TSPAN31: variants seen among roughly 807,000 people sequenced by gnomAD.
The protein encoded by TSPAN31 is tetraspanin 31, also known as tetraspanin-31.
Under a neutral mutation model 24.8 loss-of-function variants are expected in TSPAN31, and 16 were observed. That is an observed-to-expected ratio of 0.64 (90% CI 0.44 to 0.98). The LOEUF is 0.98. Ranked by LOEUF, TSPAN31 falls within the 50% of genes least tolerant of loss-of-function variation. The pLI is 0.00. For missense variants in TSPAN31, 209 were observed against 251.6 expected (o/e 0.83, Z 1.15); for synonymous variants, 87 against 91.4 (o/e 0.95, Z 0.27).
At chr12:57,745,985 G>GT (rs1955144046) in intron 2 of TSPAN31, 73 bp downstream of exon 2, 1 of 1,536,466 alleles carries the variant, frequency 6.5e-7, no homozygotes, top group African/African-American at 1.4e-5. Context: ...TGTTAGAAGG[G>GT]TAGGGGACCT....
chr12:57,746,857 G>C (rs1955160930), intron 4 of TSPAN31, 137 bp downstream of exon 4: 1 of 1,407,522 alleles, frequency 7.1e-7, no homozygotes, highest in African/African-American at 1.4e-5. Context: ...TGTGTTGGTG[G>C]GAGGTGGGGG....
At position 57,748,916 on chromosome 12, in the gene TSPAN31, G is replaced by A. The variant is rs1263865637; in HGVS notation, c.*1626G>A. On this transcript the variant is annotated 3_prime_UTR_variant, in exon 6 of 6. Transcript: ENST00000257910. ...AGACGAGGTTTCACCATGTTGGCCA[G>A]GCTGGTCTCGAACTCCTGACCTCAG... 1 of 558,484 alleles carries A rather than the reference G, an allele frequency of 1.8e-6. No individual in the cohort carries two copies. Among genetic ancestry groups the A allele is most frequent in the Non-Finnish European group, 3.2e-6 (1 of 312,886 alleles). The allele number at this position is 558,484 out of a possible 1,614,324, so 34.6% of individuals were successfully genotyped here.
chr12:57,749,109 G>C lies in TSPAN31; in HGVS notation c.*1819G>C, dbSNP rs960503482. The C allele has an allele frequency of 2.5e-6, 4 of 1,581,138 alleles. No individual in the cohort carries two copies. The Admixed American group carries it at 6.7e-5, about 26-fold the overall frequency. ...CAAGTTTCATTAACCACAGTGGCCA[G>C]GGCCCTGCATACTGCTCTATTTCTT... On this transcript the variant is annotated 3_prime_UTR_variant, in exon 6 of 6. Transcript: ENST00000257910.
chr12:57,749,053 C>T lies in TSPAN31; in HGVS notation c.*1763C>T. On this transcript the variant is annotated 3_prime_UTR_variant, in exon 6 of 6. Coordinates refer to ENST00000257910, the MANE Select transcript of TSPAN31 (RefSeq NM_005981.5). Reference sequence around the variant, plus strand: ...CTTCTCTGTGGGTGGCTATTTGCAGCTGTAATAAAAACTACAGCCCATCTA... The same window carrying T: ...CTTCTCTGTGGGTGGCTATTTGCAGTTGTAATAAAAACTACAGCCCATCTA... The T allele has an allele frequency of 8.4e-7, 1 of 1,192,454 alleles. No individual in the cohort carries two copies. Among genetic ancestry groups the T allele is most frequent in the Non-Finnish European group, 1.3e-6 (1 of 799,540 alleles). The allele number at this position is 1,192,454 out of a possible 1,614,324, so 73.9% of individuals were successfully genotyped here.
rs1193246679 is a variant in TSPAN31 at position 57,749,456 on chromosome 12, A to G, written c.*2166A>G. On this transcript the variant is annotated 3_prime_UTR_variant, in exon 6 of 6. Transcript: ENST00000257910. The stretch of plus-strand genomic sequence containing the variant: ...TTTCTCCCATGTTGGTCACTTACTC[A>G]AAGATTTTGCCCAACTGGTCGGCTT... 5.6e-6 allele frequency: 9 copies of G among 1,614,226 alleles called. No homozygotes were observed. The highest frequency in any genetic ancestry group is 7.6e-6 in the Non-Finnish European group (9 of 1,180,020).
In TSPAN31 at chr12:57,747,445, T is replaced by C; in HGVS notation, c.*155T>C. 1 of 641,240 alleles carries C rather than the reference T, an allele frequency of 1.6e-6. No homozygotes were observed. Among genetic ancestry groups the C allele is most frequent in the Non-Finnish European group, 2.7e-6 (1 of 375,986 alleles). The allele number at this position is 641,240 out of a possible 1,614,324, so 39.7% of individuals were successfully genotyped here. On this transcript the variant is annotated 3_prime_UTR_variant, in exon 6 of 6. Transcript: ENST00000257910. Reference sequence around the variant, plus strand: ...TGATGGAATAGCAAGACTTTATGCCTTGACATATTTTAGTGGGAGCCAGAC... The same window carrying C: ...TGATGGAATAGCAAGACTTTATGCCCTGACATATTTTAGTGGGAGCCAGAC...
intron 2 of TSPAN31, 22 bp downstream of exon 2, chr12:57,745,934 G>A (rs1395929525): frequency 6.4e-7 from 1 of 1,571,234 alleles, no homozygotes; most frequent in African/African-American, 1.4e-5. Context: ...TGAAGTGATG[G>A]GGGCAACCGG....
chr12:57,745,610 A>G, intron 1 of TSPAN31, 135 bp from the exon 2 acceptor site: 1 of 1,114,122 alleles, frequency 9.0e-7, no homozygotes, highest in Non-Finnish European at 1.3e-6. Context: ...CGGTGCGGAT[A>G]GCACCATCCC....
At position 57,749,253 on chromosome 12, in the gene TSPAN31, G is replaced by A; in HGVS notation, c.*1963G>A. The A allele has an allele frequency of 6.2e-7, 1 of 1,614,112 alleles. No homozygotes were observed. Among genetic ancestry groups the A allele is most frequent in the African/African-American group, 1.3e-5 (1 of 75,054 alleles). On this transcript the variant is annotated 3_prime_UTR_variant, in exon 6 of 6. Transcript: ENST00000257910. ...TGCACTGGGCGGGGCCCTCTGGGGGGAAAGGCTCCACGGGGCAGGGATACA... is the reference window on the plus strand; with the variant it reads ...TGCACTGGGCGGGGCCCTCTGGGGGAAAAGGCTCCACGGGGCAGGGATACA...
chr12:57,746,724 AGT>A lies in TSPAN31; in HGVS notation c.444+9_444+10del, dbSNP rs771743279. 1.2e-6 allele frequency: 2 copies of A among 1,614,002 alleles called. No individual in the cohort carries two copies. The highest frequency in any genetic ancestry group is 1.7e-6 in the Non-Finnish European group (2 of 1,179,998). Reference sequence around the variant, plus strand: ...AGATTATGATTTCTGCACTGCAGTGAGTGTGTTGGGGGTGGTGCAGCAGCCAG... The same window carrying A: ...AGATTATGATTTCTGCACTGCAGTGAGTGTTGGGGGTGGTGCAGCAGCCAG... On this transcript the variant is annotated splice_donor_5th_base_variant and intron_variant, in intron 4 of 5. Transcript: ENST00000257910.
rs562474733 is a variant in TSPAN31 at position 57,747,026 on chromosome 12, G to A, written c.453G>A (p.Lys151=). 3 of 1,613,994 alleles carry A rather than the reference G, an allele frequency of 1.9e-6. No individual in the cohort carries two copies. The highest frequency in any genetic ancestry group is 1.3e-5 in the African/African-American group (1 of 75,050). Residue 151 remains lysine, a synonymous_variant, in exon 5 of 6, where the codon AAG becomes AAA. Transcript: ENST00000257910. ...TCACGTTTTATCCTCAGATCTGCAA[G>A]AGCCAGAGCCCCACATGCCAGATGT... ...QDYDFCTAIC[K]SQSPTCQMCG...
rs568048822 is a variant in TSPAN31 at position 57,745,803 on chromosome 12, C to T, written c.122C>T (p.Ser41Phe). The change falls in exon 2 of 6, where the codon TCC becomes TTC. Residue 41 changes from serine to phenylalanine, a missense_variant. Physicochemically the swap from Ser to Phe is radical, Grantham distance 155 (BLOSUM62 -2). Transcript: ENST00000257910. Reference protein sequence around the residue: ...AAWGKGLGLVSSIHIIGGVIA... With the variant: ...AAWGKGLGLVFSIHIIGGVIA... ...TGGGGCAAGGGCCTGGGTCTGGTGT[C>T]CAGCATCCACATCATCGGCGGAGTC... 2.1e-5 allele frequency: 34 copies of T among 1,613,932 alleles called. No homozygotes were observed. In the African/African-American group the frequency reaches 4.1e-4, roughly 20 times the overall value.
intron 3 of TSPAN31, 149 bp from the exon 4 acceptor site, chr12:57,746,440 C>A: frequency 1.7e-6 from 2 of 1,197,874 alleles, no homozygotes; most frequent in Non-Finnish European, 2.5e-6. Flanking sequence ...ATCTAGAGAA[C>A]CTCAAAAGGT....
chr12:57,746,377 C>A, intron 3 of TSPAN31, 121 bp downstream of exon 3: 1 of 1,165,586 alleles, frequency 8.6e-7, no homozygotes, highest in Non-Finnish European at 1.3e-6. Context: ...TGCTTCTGGC[C>A]TCTTGGGCTA....
chr12:57,745,690 T>C, intron 1 of TSPAN31, 55 bp from the exon 2 acceptor site: 2 of 1,608,578 alleles, frequency 1.2e-6, no homozygotes, highest in Admixed American at 1.7e-5. Context: ...TTGTATGGCC[T>C]TGGGCTGTGC....
Position 57,749,051 on chromosome 12 carries a change from A to T in TSPAN31, c.*1761A>T. 8.6e-7 allele frequency: 1 copy of T among 1,164,048 alleles called. No homozygotes were observed. 72.1% of individuals were successfully genotyped at this position (1,164,048 alleles called of 1,614,324 possible). ...TCCTTCTCTGTGGGTGGCTATTTGCAGCTGTAATAAAAACTACAGCCCATC... is the reference window on the plus strand; with the variant it reads ...TCCTTCTCTGTGGGTGGCTATTTGCTGCTGTAATAAAAACTACAGCCCATC... On this transcript the variant is annotated 3_prime_UTR_variant, in exon 6 of 6. Coordinates refer to ENST00000257910, the MANE Select transcript of TSPAN31 (RefSeq NM_005981.5).
In TSPAN31 at chr12:57,745,086, C is replaced by A; in HGVS notation, c.-69C>A. 6.9e-7 allele frequency: 1 copy of A among 1,442,888 alleles called. No individual in the cohort carries two copies. The highest frequency in any genetic ancestry group is 1.2e-5 in the South Asian group (1 of 82,094). The allele number at this position is 1,442,888 out of a possible 1,614,324, so 89.4% of individuals were successfully genotyped here. A position where few individuals can be genotyped will look rare whatever the true frequency, so the allele number is the denominator to read the frequency against. On this transcript the variant is annotated 5_prime_UTR_variant, in exon 1 of 6. Coordinates refer to ENST00000257910, the MANE Select transcript of TSPAN31 (RefSeq NM_005981.5). ...TTAAAGAGACAGAAGCTGTCGGGGT[C>A]CTGGAAGACGGTCCCCAATACCCTC...
Position 57,748,590 on chromosome 12 carries a change from G to A in TSPAN31, c.*1300G>A, listed in dbSNP as rs1423966179. 4 of 1,613,718 alleles carry A rather than the reference G, an allele frequency of 2.5e-6. No individual in the cohort carries two copies. The highest frequency in any genetic ancestry group is 3.4e-6 in the Non-Finnish European group (4 of 1,179,742). On this transcript the variant is annotated 3_prime_UTR_variant, in exon 6 of 6. Coordinates refer to ENST00000257910, the MANE Select transcript of TSPAN31 (RefSeq NM_005981.5). ...TGCAGAGCTCGAAAGGCAGAGATTC[G>A]CTTGTGTGGGTTAAAAGTCAGCATT...
chr12:57,746,951 C>A, intron 4 of TSPAN31, 67 bp from the exon 5 acceptor site: 2 of 1,445,268 alleles, frequency 1.4e-6, no homozygotes, highest in South Asian at 1.2e-5. Flanking sequence ...TAGGGACATT[C>A]GGCATAGGTA....
Sources: gnomAD v4.1 joint callset for allele counts on GRCh38, gnomAD v4.1.1 for gene constraint, MANE v1.5 for transcripts, NCBI Gene and HGNC (gene_info 2026-07-23, HGNC 2026-07-21) for gene names.